Variants in LRCH3 observed in about 807,000 individuals in gnomAD.
LRCH3 encodes leucine rich repeats and calponin homology domain containing 3.
LRCH3 carries 68 observed loss-of-function variants against 104.5 expected under a neutral mutation model. That is an observed-to-expected ratio of 0.65 (90% CI 0.54 to 0.80). The LOEUF (loss-of-function observed/expected upper bound fraction) is 0.80, where lower values mean the gene tolerates loss of function less well. LRCH3 is among the 30% of genes least tolerant of loss of function. The pLI, the probability that LRCH3 is intolerant of heterozygous loss-of-function variation, is 0.00. For synonymous variants in LRCH3, 344 were observed against 361.3 expected (o/e 0.95, Z 0.54); for missense variants, 951 against 953.9 (o/e 1.00, Z 0.04).
At chr3:197,850,020 C>T (rs374326770) in intron 12 of LRCH3, among the ~76,000 whole-genome samples, 2 of 152,206 alleles carry the variant, frequency 1.3e-5, no homozygotes, top group South Asian at 4.2e-4. Context: ...ATTATAGGGA[C>T]CCTGAAGAGT....
chr3:197,795,134 A>G (rs574020252), intron 1 of LRCH3, among the ~76,000 whole-genome samples: 5 of 152,310 alleles, frequency 3.3e-5, no homozygotes, highest in Non-Finnish European at 5.9e-5. Flanking sequence ...CAGAAAGGAT[A>G]TAACTTGGAT....
intron 6 of LRCH3, among the ~76,000 whole-genome samples, chr3:197,830,197 T>A (rs888481544): frequency 1.3e-5 from 2 of 152,220 alleles, no homozygotes; most frequent in African/African-American, 4.8e-5. Context: ...GTCCCTCAGC[T>A]ACACAGCCTG....
At chr3:197,802,207 C>T (rs1157576528) in intron 1 of LRCH3, among the ~76,000 whole-genome samples, 1 of 152,218 alleles carries the variant, frequency 6.6e-6, no homozygotes, top group Non-Finnish European at 1.5e-5. Context: ...TCAGCAAAAT[C>T]CCCTCTTCCA....
chr3:197,794,441 C>G (rs1027401503), intron 1 of LRCH3, among the ~76,000 whole-genome samples: 1 of 152,068 alleles, frequency 6.6e-6, no homozygotes, highest in Non-Finnish European at 1.5e-5. Context: ...ATGGCAGGTA[C>G]TTTGATTAAT....
At position 197,826,378 on chromosome 3, in the gene LRCH3, CT is replaced by C. The variant is rs1234939659; in HGVS notation, c.641-499del. On this transcript the variant is annotated intron_variant, in intron 4 of 20. Transcript: ENST00000425562. ...AAGTGTGTAGACTTTGACTTAACTC[CT>C]CCATTTTTAGCTGGCAACTCCTCCT... Among the ~76,000 whole-genome samples, 4 of 152,120 alleles carry C rather than the reference CT, an allele frequency of 2.6e-5. No homozygotes were observed. In the East Asian group the frequency reaches 7.7e-4, roughly 29 times the overall value.
intron 9 of LRCH3, among the ~76,000 whole-genome samples, chr3:197,836,802 C>T (rs1467741632): frequency 5.3e-5 from 8 of 152,140 alleles, no homozygotes; most frequent in South Asian, 4.1e-4. Flanking sequence ...CTCAGCCTCC[C>T]GAGTAGCTGG....
chr3:197,873,248 G>A (rs530175128), intron 19 of LRCH3, among the ~76,000 whole-genome samples: 9 of 152,272 alleles, frequency 5.9e-5, no homozygotes, highest in African/African-American at 1.7e-4. Flanking sequence ...TAGATCTGAC[G>A]TTTCTTGCAT....
intron 4 of LRCH3, among the ~76,000 whole-genome samples, chr3:197,821,099 G>C (rs1271910894): frequency 6.6e-6 from 1 of 152,140 alleles, no homozygotes; most frequent in Non-Finnish European, 1.5e-5. Context: ...AACATGTTTG[G>C]ATAAGGGGAT....
intron 14 of LRCH3, among the ~76,000 whole-genome samples, chr3:197,855,195 A>C (rs1191671537): frequency 6.6e-6 from 1 of 152,224 alleles, no homozygotes; most frequent in Non-Finnish European, 1.5e-5. Flanking sequence ...TGCATGCCTC[A>C]GCATGACATT....
chr3:197,815,073 T>G, intron 2 of LRCH3, 21 bp downstream of exon 2: 1 of 1,389,422 alleles, frequency 7.2e-7, no homozygotes, highest in Non-Finnish European at 9.7e-7. Context: ...TGTTTTCTTA[T>G]TTTAAATTTT....
chr3:197,831,037 C>T (rs576174539), intron 7 of LRCH3, 174 bp downstream of exon 7: 466 of 528,954 alleles, frequency 8.8e-4, no homozygotes, highest in Non-Finnish European at 1.4e-3. Context: ...GCGTCCTTAC[C>T]GGCTTTCTGT....
Position 197,838,095 on chromosome 3 carries a change from C to T in LRCH3, c.1252-1226C>T, listed in dbSNP as rs114319033. ...AAACTAGGGTGGTAAGCCACTGGTA[C>T]AGCGTCCTAGGAGAGATTTGTGTTT... On this transcript the variant is annotated intron_variant, in intron 9 of 20. Coordinates refer to ENST00000425562, the MANE Select transcript of LRCH3 (RefSeq NM_001365715.1). Among the ~76,000 whole-genome samples the T allele has an allele frequency of 1.7e-3, 263 of 151,740 alleles. 1 individual carries two copies. The highest frequency in any genetic ancestry group is 6.0e-3 in the African/African-American group (247 of 41,372).
chr3:197,868,832 T>C (rs1426358448), intron 17 of LRCH3, among the ~76,000 whole-genome samples: 1 of 152,182 alleles, frequency 6.6e-6, no homozygotes, highest in African/African-American at 2.4e-5. Context: ...TTGAGCACGT[T>C]GGGTACTTAT....
At chr3:197,874,287 C>T (rs1712599916) in intron 19 of LRCH3, among the ~76,000 whole-genome samples, 1 of 152,162 alleles carries the variant, frequency 6.6e-6, no homozygotes, top group South Asian at 2.1e-4. Flanking sequence ...CACCCGAGCT[C>T]TGCCTCCTGT....
At chr3:197,824,343 G>A (rs1448598849) in intron 4 of LRCH3, among the ~76,000 whole-genome samples, 2 of 144,624 alleles carry the variant, frequency 1.4e-5, no homozygotes, top group Non-Finnish European at 3.0e-5. Context: ...GATTACAGGC[G>A]TGAGCCACCA....
chr3:197,829,473 C>T, intron 5 of LRCH3, 91 bp from the exon 6 acceptor site: 3 of 700,458 alleles, frequency 4.3e-6, no homozygotes, highest in Non-Finnish European at 7.0e-6. Flanking sequence ...CCTCCCTTTC[C>T]CAATGTATGT....
chr3:197,879,379 G>A lies in LRCH3; in HGVS notation c.2208+3604G>A, dbSNP rs192755362. Among the ~76,000 whole-genome samples, 149 of 151,960 alleles carry A rather than the reference G, an allele frequency of 9.8e-4. 4 individuals are homozygous for A. The East Asian group carries it at 0.018, about 19-fold the overall frequency. On this transcript the variant is annotated intron_variant, in intron 20 of 20. Coordinates refer to ENST00000425562, the MANE Select transcript of LRCH3 (RefSeq NM_001365715.1). ...AGACACCCCCTGGCCGGGCGCGGTGGCTCACGCCTGTAATCCCAGCACTTT... is the reference window on the plus strand; with the variant it reads ...AGACACCCCCTGGCCGGGCGCGGTGACTCACGCCTGTAATCCCAGCACTTT...
At chr3:197,814,100 C>T (rs1055875265) in intron 1 of LRCH3, among the ~76,000 whole-genome samples, 1 of 152,128 alleles carries the variant, frequency 6.6e-6, no homozygotes, top group Non-Finnish European at 1.5e-5. Context: ...AGTTCGTTTT[C>T]ATGCTGCTGA....
chr3:197,875,862 A>ACTAG, intron 20 of LRCH3, 87 bp downstream of exon 20: 1 of 832,932 alleles, frequency 1.2e-6, no homozygotes, highest in Non-Finnish European at 1.9e-6. Context: ...ATCTTACAGG[A>ACTAG]CTAGCTCTGA....
Sources: gnomAD v4.1 joint callset for allele counts (sites outside exome capture counted in the v4.1 genomes callset) on GRCh38, gnomAD v4.1.1 for gene constraint, MANE v1.5 for transcripts, NCBI Gene and HGNC (gene_info 2026-07-23, HGNC 2026-07-21) for gene names.